The following TNRC6B variants were observed in gnomAD, a reference collection of about 807,000 sequenced individuals.
TNRC6B encodes the protein trinucleotide repeat-containing gene 6B protein.
Under a neutral mutation model 203.6 loss-of-function variants are expected in TNRC6B, and 52 were observed. The observed-to-expected ratio is 0.26, with a 90% CI of 0.20 to 0.32. The LOEUF is 0.32. TNRC6B is among the 10% of genes least tolerant of loss of function. The probability of loss-of-function intolerance (pLI) is 1.00; values close to 1 mark genes in which losing one functional copy is unlikely to be tolerated. For missense variants in TNRC6B, 1,923 were observed against 2,286.2 expected (o/e 0.84, Z 3.24); for synonymous variants, 838 against 845.7 (o/e 0.99, Z 0.16).
intron 1 of TNRC6B, among the ~76,000 whole-genome samples, chr22:40,230,171 T>A (rs542013798): frequency 6.6e-6 from 1 of 152,302 alleles, no homozygotes; most frequent in East Asian, 1.9e-4. Context: ...ATTGTGGCTT[T>A]AATTTGTTTT....
chr22:40,218,047 A>C (rs1349271471), intron 1 of TNRC6B, among the ~76,000 whole-genome samples: 1 of 151,790 alleles, frequency 6.6e-6, no homozygotes, highest in African/African-American at 2.4e-5. Flanking sequence ...GACAAAACCT[A>C]TTTGTCTCAG....
rs553623901 is a variant in TNRC6B at position 40,246,242 on chromosome 22, T to G, written c.93+140T>G. 31 of 567,088 alleles carry G rather than the reference T, an allele frequency of 5.5e-5. No individual in the cohort carries two copies. The African/African-American group carries it at 5.8e-4, about 11-fold the overall frequency. 35.1% of individuals were successfully genotyped at this position (567,088 alleles called of 1,614,324 possible). A position where few individuals can be genotyped will look rare whatever the true frequency, so the allele number is the denominator to read the frequency against. ...TCTTGCTCTGTCACCTAGGCTGGAG[T>G]GCAGTGGCGTGATCTTGGCTCACTA... On this transcript the variant is annotated intron_variant, in intron 2 of 22. Transcript: ENST00000454349.
intron 1 of TNRC6B, among the ~76,000 whole-genome samples, chr22:40,216,860 T>C (rs1373069243): frequency 6.6e-6 from 1 of 152,236 alleles, no homozygotes; most frequent in African/African-American, 2.4e-5. Flanking sequence ...ATTCTCATAG[T>C]GGTTTCTGTA....
chr22:40,141,756 T>A (rs1423555791), intron 3 of TNRC6B, among the ~76,000 whole-genome samples: 1 of 144,462 alleles, frequency 6.9e-6, no homozygotes. Context: ...TGTTTTTTTC[T>A]TGTTTTTTGT....
Position 40,206,119 on chromosome 22 carries a change from A to G in TNRC6B, c.5+27979A>G, listed in dbSNP as rs975052045. Among the ~76,000 whole-genome samples, 11 of 152,258 alleles carry G rather than the reference A, an allele frequency of 7.2e-5. No homozygotes were observed. The East Asian group carries it at 1.2e-3, about 16-fold the overall frequency. ...TTAGGGAAATGTCCAACACATAATG[A>G]GCCCAGAAATATATTTTTTTAATTT... is the stretch of plus-strand genomic sequence containing the variant. On this transcript the variant is annotated intron_variant, in intron 1 of 22. Coordinates refer to ENST00000454349, the MANE Select transcript of TNRC6B (RefSeq NM_001162501.2).
At chr22:40,082,825 G>T (rs1300263980) in intron 1 of TNRC6B, among the ~76,000 whole-genome samples, 1 of 152,176 alleles carries the variant, frequency 6.6e-6, no homozygotes, top group Non-Finnish European at 1.5e-5. Context: ...CAGAATTCTG[G>T]CTTGAAAGCT....
intron 1 of TNRC6B, among the ~76,000 whole-genome samples, chr22:40,099,639 G>T (rs2068216616): frequency 6.6e-6 from 1 of 152,144 alleles, no homozygotes. Flanking sequence ...CATTGTATTA[G>T]ATATCATAAA....
intron 5 of TNRC6B, among the ~76,000 whole-genome samples, chr22:40,268,625 T>G (rs540894198): frequency 6.6e-6 from 1 of 152,032 alleles, no homozygotes; most frequent in African/African-American, 2.4e-5. Context: ...AATAAAATAA[T>G]CTTTGGCCAG....
intron 3 of TNRC6B, among the ~76,000 whole-genome samples, chr22:40,141,595 G>A (rs1167399582): frequency 1.3e-5 from 2 of 151,990 alleles, no homozygotes; most frequent in East Asian, 1.9e-4. Flanking sequence ...TCTGTAGTCT[G>A]TAAGTGCCTT....
At chr22:40,073,622 G>A (rs932086754) in intron 1 of TNRC6B, among the ~76,000 whole-genome samples, 1 of 152,128 alleles carries the variant, frequency 6.6e-6, no homozygotes, top group African/African-American at 2.4e-5. Context: ...CCATTAAGTG[G>A]TACTAATATG....
intron 1 of TNRC6B, among the ~76,000 whole-genome samples, chr22:40,073,751 T>C (rs1318284345): frequency 6.6e-6 from 1 of 151,750 alleles, no homozygotes; most frequent in Non-Finnish European, 1.5e-5. Context: ...TCATCTCTAC[T>C]AAAAATACAA....
At position 40,065,488 on chromosome 22, in the gene TNRC6B, T is replaced by C. The variant is rs552588456; in HGVS notation, c.-121+20490T>C. ...TTTTTATTATGAATTTAGTTTATTA[T>C]AGGCCTATTCAGATTTTCTGTTTCT... On this transcript the variant is annotated intron_variant, in intron 1 of 23. Coordinates refer to the TNRC6B transcript ENST00000301923. Among the ~76,000 whole-genome samples, 12 of 152,302 alleles carry C rather than the reference T, an allele frequency of 7.9e-5. No homozygotes were observed. The South Asian group carries it at 2.1e-3, about 26-fold the overall frequency.
chr22:40,183,068 G>C (rs1230365974), intron 1 of TNRC6B, among the ~76,000 whole-genome samples: 1 of 76,668 alleles, frequency 1.3e-5, no homozygotes, highest in Non-Finnish European at 2.3e-5. Flanking sequence ...CCAACATCTA[G>C]AACGGCTTGG....
intron 12 of TNRC6B, among the ~76,000 whole-genome samples, chr22:40,292,159 G>A (rs571726122): frequency 9.4e-4 from 143 of 151,468 alleles, no homozygotes; most frequent in Middle Eastern, 3.4e-3. Context: ...GTGCCACTGC[G>A]CTCCAGCTTG....
intron 12 of TNRC6B, among the ~76,000 whole-genome samples, chr22:40,299,554 A>G (rs1463556043): frequency 6.6e-6 from 1 of 151,890 alleles, no homozygotes; most frequent in African/African-American, 2.4e-5. Flanking sequence ...GTCTTTTTTT[A>G]ACCTTTTTAT....
upstream of TNRC6B, chr22:40,177,862 A>G (rs2069080475): frequency 9.9e-6 from 13 of 1,315,220 alleles, no homozygotes; most frequent in South Asian, 1.2e-4. Context: ...TTCCTGATTG[A>G]CAAACCTACC....
At chr22:40,238,639 C>T (rs1042155245) in intron 1 of TNRC6B, among the ~76,000 whole-genome samples, 2 of 152,134 alleles carry the variant, frequency 1.3e-5, no homozygotes, top group Admixed American at 6.5e-5. Flanking sequence ...GGCCCCATCC[C>T]TCACCTCAGT....
intron 1 of TNRC6B, among the ~76,000 whole-genome samples, chr22:40,069,351 C>G (rs868798124): frequency 7.9e-5 from 12 of 152,110 alleles, no homozygotes; most frequent in Middle Eastern, 6.8e-3. Flanking sequence ...AGGGATCCTC[C>G]TACCTCACCC....
intron 1 of TNRC6B, among the ~76,000 whole-genome samples, chr22:40,054,855 T>C (rs2067779936): frequency 6.7e-6 from 1 of 148,534 alleles, no homozygotes; most frequent in African/African-American, 2.5e-5. Flanking sequence ...CTGGGTGACA[T>C]GGTGAAACCC....
Sources: gnomAD v4.1 joint callset for allele counts (sites outside exome capture counted in the v4.1 genomes callset) on GRCh38, gnomAD v4.1.1 for gene constraint, MANE v1.5 for transcripts, NCBI Gene and HGNC (gene_info 2026-07-23, HGNC 2026-07-21) for gene names.